Variants in NLGN4X observed in about 807,000 individuals in gnomAD.
NLGN4X encodes the protein neuroligin 4 X-linked.
Under a neutral mutation model 40.3 loss-of-function variants are expected in NLGN4X, and 3 were observed. That is an observed-to-expected ratio of 0.07 (90% CI 0.03 to 0.19). NLGN4X has a LOEUF of 0.19. Among genes scored for constraint, NLGN4X ranks in the 10% least tolerant of loss-of-function variants. NLGN4X has a pLI of 1.00. For synonymous variants in NLGN4X, 270 were observed against 306.8 expected (o/e 0.88, Z 1.25); for missense variants, 382 against 708.3 (o/e 0.54, Z 5.23).
intron 1 of NLGN4X, among the ~76,000 whole-genome samples, chrX:6,218,473 C>CAT (rs1491104150): frequency 3.2e-3 from 89 of 27,949 alleles, no homozygotes; most frequent in African/African-American, 7.2e-3. Context: ...AGAGATTAAA[C>CAT]CCACACACAC....
intron 3 of NLGN4X, among the ~76,000 whole-genome samples, chrX:5,923,627 C>T (rs2033159301): frequency 9.0e-6 from 1 of 111,567 alleles, no homozygotes; most frequent in South Asian, 3.8e-4. Context: ...TTTTTAAAAC[C>T]ATCAGATCTC....
chrX:5,946,224 C>A (rs1300423052), intron 3 of NLGN4X, among the ~76,000 whole-genome samples: 1 of 111,288 alleles, frequency 9.0e-6, no homozygotes. Flanking sequence ...CTGTGGCAAC[C>A]AAAATTTTTT....
intron 2 of NLGN4X, among the ~76,000 whole-genome samples, chrX:6,050,523 CTCTA>C (rs775032016): frequency 2.9e-4 from 32 of 111,461 alleles, no homozygotes; most frequent in South Asian, 7.7e-4. Flanking sequence ...GTCTACCCAT[CTCTA>C]TCTATCATCT....
chrX:6,148,480 ATAAT>A (rs561348578), intron 2 of NLGN4X, among the ~76,000 whole-genome samples: 534 of 111,798 alleles, frequency 4.8e-3, no homozygotes, highest in African/African-American at 0.015. Flanking sequence ...TGAATAATTA[ATAAT>A]TAAACATCTA....
At chrX:5,940,786 A>G (rs941536181) in intron 3 of NLGN4X, among the ~76,000 whole-genome samples, 1 of 110,288 alleles carries the variant, frequency 9.1e-6, no homozygotes, top group Non-Finnish European at 1.9e-5. Flanking sequence ...TGCCTGACAT[A>G]GCGTAAGTCA....
intron 3 of NLGN4X, among the ~76,000 whole-genome samples, chrX:5,915,110 A>G (rs778825881): frequency 8.9e-6 from 1 of 112,594 alleles, no homozygotes; most frequent in East Asian, 2.8e-4. Flanking sequence ...GAGTACTAGC[A>G]GACCATTCTC....
intron 1 of NLGN4X, among the ~76,000 whole-genome samples, chrX:6,155,873 TTCATAAAACA>T (rs1277668465): frequency 8.9e-6 from 1 of 111,927 alleles, no homozygotes; most frequent in Non-Finnish European, 1.9e-5. Context: ...AGAATGGCTA[TTCATAAAACA>T]TCAAAAAACA....
intron 3 of NLGN4X, among the ~76,000 whole-genome samples, chrX:5,936,764 G>A (rs1052599616): frequency 8.9e-6 from 1 of 111,976 alleles, no homozygotes; most frequent in African/African-American, 3.2e-5. Flanking sequence ...TTAACACAGA[G>A]AAGCAAAACT....
At chrX:5,946,988 T>C (rs1017259531) in intron 3 of NLGN4X, among the ~76,000 whole-genome samples, 3 of 111,899 alleles carry the variant, frequency 2.7e-5, no homozygotes, top group Non-Finnish European at 5.6e-5. Flanking sequence ...GCTCTATTCA[T>C]GTTCCTGCAA....
At chrX:5,941,068 C>T (rs2033913912) in intron 3 of NLGN4X, among the ~76,000 whole-genome samples, 1 of 105,753 alleles carries the variant, frequency 9.5e-6, no homozygotes, top group Admixed American at 1.0e-4. Flanking sequence ...GTCGAGGCTG[C>T]AGTGAGCTAT....
At chrX:6,220,602 G>A (rs975240982) in intron 1 of NLGN4X, among the ~76,000 whole-genome samples, 2 of 108,474 alleles carry the variant, frequency 1.8e-5, no homozygotes, top group African/African-American at 6.7e-5. Flanking sequence ...AAAGCTTCCA[G>A]GAGACCTAGA....
intron 2 of NLGN4X, among the ~76,000 whole-genome samples, chrX:6,087,051 T>C (rs1054267726): frequency 8.9e-6 from 1 of 112,002 alleles, no homozygotes; most frequent in Non-Finnish European, 1.9e-5. Context: ...CTCATGGCTT[T>C]TTATACACAC....
At chrX:6,204,806 T>C (rs1923900944) in intron 1 of NLGN4X, among the ~76,000 whole-genome samples, 1 of 111,695 alleles carries the variant, frequency 9.0e-6, no homozygotes, top group South Asian at 3.8e-4. Context: ...CACTGGACCA[T>C]CTGCTTCAAA....
chrX:6,178,731 TCAA>T (rs906065080), intron 1 of NLGN4X, among the ~76,000 whole-genome samples: 19 of 112,356 alleles, frequency 1.7e-4, no homozygotes, highest in African/African-American at 5.8e-4. Flanking sequence ...TGCAAATCCT[TCAA>T]CATCATGATG....
chrX:5,939,718 T>C (rs2033858798), intron 3 of NLGN4X, among the ~76,000 whole-genome samples: 1 of 111,476 alleles, frequency 9.0e-6, no homozygotes, highest in Non-Finnish European at 1.9e-5. Context: ...AAGGGTCCCA[T>C]GTAGTATTCT....
intron 2 of NLGN4X, among the ~76,000 whole-genome samples, chrX:6,105,306 C>G (rs1050951225): frequency 2.7e-5 from 3 of 111,612 alleles, no homozygotes; most frequent in Non-Finnish European, 5.6e-5. Flanking sequence ...AGTGATCCAC[C>G]TGCCTTGGCC....
intron 2 of NLGN4X, among the ~76,000 whole-genome samples, chrX:6,106,519 C>T (rs1460404586): frequency 9.0e-6 from 1 of 111,388 alleles, no homozygotes; most frequent in East Asian, 2.8e-4. Context: ...CTCTATGATC[C>T]ACCTATTTAT....
At position 6,151,613 on chromosome X, in the gene NLGN4X, G is replaced by A. The variant is rs1031473785; in HGVS notation, c.-147C>T. 1.2e-5 allele frequency: 6 copies of A among 517,368 alleles called. No homozygotes were observed. Among genetic ancestry groups the A allele is most frequent in the Non-Finnish European group, 2.0e-5 (6 of 300,738 alleles). 42.6% of individuals were successfully genotyped at this position (517,368 alleles called of 1,213,427 possible). A position where few individuals can be genotyped will look rare whatever the true frequency, so the allele number is the denominator to read the frequency against. On this transcript the variant is annotated 5_prime_UTR_variant, in exon 2 of 6. Transcript: ENST00000381095. ...CTCAGACTGATCACAGACAGAGCCT[G>A]AGGTTAAGAACAAGCACAGCCGTTT...
At position 6,160,012 on chromosome X, in the gene NLGN4X, G is replaced by GGA. The variant is rs1255706710; in HGVS notation, c.-305-8243_-305-8242dup. ...CTACCAGAGGCTGGGAAGGGTAATG[G>GGA]GAGAGAGAGAGAAGTGAGGATGGTT... On this transcript the variant is annotated intron_variant, in intron 1 of 5. Coordinates refer to ENST00000381095, the MANE Select transcript of NLGN4X (RefSeq NM_181332.3). Among the ~76,000 whole-genome samples the GGA allele has an allele frequency of 9.9e-5, 11 of 110,565 alleles. No individual in the cohort carries two copies. The South Asian group carries it at 2.3e-3, about 23-fold the overall frequency.
Sources: gnomAD v4.1 joint callset for allele counts (sites outside exome capture counted in the v4.1 genomes callset) on GRCh38, gnomAD v4.1.1 for gene constraint, MANE v1.5 for transcripts, NCBI Gene and HGNC (gene_info 2026-07-23, HGNC 2026-07-21) for gene names.